FSTL4: variants seen among roughly 807,000 people sequenced by gnomAD.
FSTL4 encodes the protein follistatin-related protein 4.
A neutral mutation model predicts 78.2 loss-of-function variants in FSTL4; 28 were observed. The ratio of observed to expected loss-of-function variants is 0.36; its 90% CI spans 0.27 to 0.49. The LOEUF is 0.49. Ranked by LOEUF, FSTL4 falls within the 20% of genes least tolerant of loss-of-function variation. The pLI, the probability that FSTL4 is intolerant of heterozygous loss-of-function variation, is 0.98. For missense variants in FSTL4, 922 were observed against 1,084.9 expected (o/e 0.85, Z 2.11); for synonymous variants, 422 against 440.5 (o/e 0.96, Z 0.53).
chr5:133,356,652 C>T (rs1458059363), intron 4 of FSTL4, among the ~76,000 whole-genome samples: 1 of 152,078 alleles, frequency 6.6e-6, no homozygotes, highest in Non-Finnish European at 1.5e-5. Context: ...GCAGAAACCA[C>T]TTTGTAAGTG....
At chr5:133,572,307 T>A (rs1760175376) in intron 2 of FSTL4, among the ~76,000 whole-genome samples, 1 of 152,280 alleles carries the variant, frequency 6.6e-6, no homozygotes, top group East Asian at 1.9e-4. Flanking sequence ...CAGGGGTATA[T>A]GTGCACATTT....
chr5:133,345,464 T>C lies in FSTL4; in HGVS notation c.410-28812A>G, dbSNP rs1754677040. Among the ~76,000 whole-genome samples, 3 of 152,332 alleles carry C rather than the reference T, an allele frequency of 2.0e-5. No individual in the cohort carries two copies. In the South Asian group the frequency reaches 6.2e-4, roughly 32 times the overall value. ...TGTCTATTTTGGCTTTTGTTGTAATTGCTTTTGGTGTTTTAGTCATGAAGT... is the reference window on the plus strand; with the variant it reads ...TGTCTATTTTGGCTTTTGTTGTAATCGCTTTTGGTGTTTTAGTCATGAAGT... On this transcript the variant is annotated intron_variant, in intron 4 of 15. Transcript: ENST00000265342.
intron 14 of FSTL4, among the ~76,000 whole-genome samples, chr5:133,207,368 C>CT (rs1020743307): frequency 6.6e-6 from 1 of 152,202 alleles, no homozygotes; most frequent in African/African-American, 2.4e-5. Flanking sequence ...TGCATGCATG[C>CT]TTTTTTGTTC....
At chr5:133,305,503 C>T (rs1262429145) in intron 6 of FSTL4, among the ~76,000 whole-genome samples, 1 of 152,204 alleles carries the variant, frequency 6.6e-6, no homozygotes, top group Non-Finnish European at 1.5e-5. Context: ...CAGGTATCCA[C>T]TCCGATGTCC....
At chr5:133,548,049 A>T (rs1321150630) in intron 3 of FSTL4, among the ~76,000 whole-genome samples, 1 of 152,210 alleles carries the variant, frequency 6.6e-6, no homozygotes, top group African/African-American at 2.4e-5. Context: ...GCCTGATTTC[A>T]TGGGAAGTGG....
At chr5:133,693,986 C>A in the FSTL4 span, among the ~76,000 whole-genome samples, 2 of 152,238 alleles carry the variant, frequency 1.3e-5, no homozygotes, top group Admixed American at 1.3e-4. Flanking sequence ...AACCTCCTCA[C>A]AGACATGCCC....
chr5:133,360,452 A>C (rs1755042772), intron 4 of FSTL4, among the ~76,000 whole-genome samples: 1 of 149,338 alleles, frequency 6.7e-6, no homozygotes. Context: ...AGTGTCTCTT[A>C]GAGTTTGTTT....
intron 1 of FSTL4, among the ~76,000 whole-genome samples, chr5:133,606,463 A>G (rs1760980483): frequency 6.6e-6 from 1 of 152,194 alleles, no homozygotes; most frequent in South Asian, 2.1e-4. Flanking sequence ...GTAACTCCCT[A>G]TTCTCCATAA....
chr5:133,660,941 C>T, the FSTL4 span, among the ~76,000 whole-genome samples: 10 of 152,260 alleles, frequency 6.6e-5, no homozygotes, highest in East Asian at 1.9e-4. Context: ...GAGAGGAGCT[C>T]GTGAGCTCTA....
At chr5:133,203,422 C>G (rs1346403627) in intron 14 of FSTL4, among the ~76,000 whole-genome samples, 1 of 152,182 alleles carries the variant, frequency 6.6e-6, no homozygotes, top group Non-Finnish European at 1.5e-5. Context: ...ACAAACAGCA[C>G]CTGGCCTGCC....
intron 3 of FSTL4, among the ~76,000 whole-genome samples, chr5:133,436,027 G>C (rs900644181): frequency 1.3e-5 from 2 of 152,132 alleles, no homozygotes; most frequent in South Asian, 2.1e-4. Context: ...CACATGCCAA[G>C]TGTTAGGCAC....
At chr5:133,502,981 T>C (rs1758532600) in intron 3 of FSTL4, among the ~76,000 whole-genome samples, 1 of 152,178 alleles carries the variant, frequency 6.6e-6, no homozygotes, top group Non-Finnish European at 1.5e-5. Flanking sequence ...CTCCAGAAAC[T>C]TTAAGACAAT....
chr5:133,498,077 C>T (rs1758407934), intron 3 of FSTL4, among the ~76,000 whole-genome samples: 1 of 151,738 alleles, frequency 6.6e-6, no homozygotes, highest in African/African-American at 2.4e-5. Context: ...CCATAATATT[C>T]TTTAGCACCC....
chr5:133,388,673 A>G (rs1159145834), intron 4 of FSTL4: 1 of 151,242 alleles, frequency 6.6e-6, no homozygotes, highest in Non-Finnish European at 1.5e-5. Context: ...AAATGTCAGC[A>G]ATTATATTTT....
the FSTL4 span, among the ~76,000 whole-genome samples, chr5:133,751,425 G>T: frequency 6.6e-6 from 1 of 152,166 alleles, no homozygotes; most frequent in African/African-American, 2.4e-5. Context: ...ATATTCCTCT[G>T]GAAGTAAGAA....
At chr5:133,345,562 C>T (rs959736197) in intron 4 of FSTL4, among the ~76,000 whole-genome samples, 1 of 152,178 alleles carries the variant, frequency 6.6e-6, no homozygotes, top group African/African-American at 2.4e-5. Context: ...TTAGGTTTTA[C>T]ATTTAAGTCT....
At chr5:133,463,471 C>T (rs31340) in intron 3 of FSTL4, among the ~76,000 whole-genome samples, 4,925 of 152,298 alleles carry the variant, frequency 0.032, 103 homozygotes, top group South Asian at 0.049. Flanking sequence ...TTGAGTTCAA[C>T]CAAGTGTTAG....
chr5:133,294,342 A>T lies in FSTL4; in HGVS notation c.727+18312T>A, dbSNP rs77372325. 5.4e-3 allele frequency among the ~76,000 whole-genome samples: 819 copies of T among 152,176 alleles called. 29 individuals carry two copies. In the East Asian group the frequency reaches 0.091, roughly 17 times the overall value. ...CCCTGATTTGAGTTTCATCTCTACCACCACGTGCAACTTTTTGATGCCTCC... is the reference window on the plus strand; with the variant it reads ...CCCTGATTTGAGTTTCATCTCTACCTCCACGTGCAACTTTTTGATGCCTCC... On this transcript the variant is annotated intron_variant, in intron 6 of 15. Coordinates refer to ENST00000265342, the MANE Select transcript of FSTL4 (RefSeq NM_015082.2).
intron 3 of FSTL4, among the ~76,000 whole-genome samples, chr5:133,403,379 G>A (rs1756281873): frequency 6.6e-6 from 1 of 152,156 alleles, no homozygotes; most frequent in African/African-American, 2.4e-5. Flanking sequence ...TGAAGTGCTT[G>A]CTACCAGCCC....
Sources: allele counts gnomAD v4.1 joint callset (sites outside exome capture counted in the v4.1 genomes callset), GRCh38; gene constraint gnomAD v4.1.1; transcripts MANE v1.5; gene names NCBI Gene and HGNC (gene_info 2026-07-23, HGNC 2026-07-21).